USP9Y: variants seen among roughly 807,000 people sequenced by gnomAD.
USP9Y encodes ubiquitin carboxyl-terminal hydrolase 9Y.
In USP9Y, 41 loss-of-function variants were observed where a neutral mutation model predicts 53.1. The observed-to-expected ratio is 0.77, with a 90% CI of 0.60 to 1.00. The LOEUF (loss-of-function observed/expected upper bound fraction) is 1.00, where lower values mean the gene tolerates loss of function less well. USP9Y is among the 50% of genes least tolerant of loss of function. The pLI is 0.00. For missense variants in USP9Y, 567 were observed against 535.8 expected (o/e 1.06, Z -0.58); for synonymous variants, 220 against 173.7 (o/e 1.27, Z -2.09).
chrY:12,777,689 G>A (rs2053493915), intron 19 of USP9Y, among the ~76,000 whole-genome samples: 2 of 33,118 alleles, frequency 6.0e-5, no homozygotes, highest in African/African-American at 2.3e-4. Flanking sequence ...TAGTCTTAGT[G>A]AGTTGAGTTT....
intron 22 of USP9Y, among the ~76,000 whole-genome samples, chrY:12,785,126 G>A (rs1045640547): frequency 3.0e-5 from 1 of 32,908 alleles, no homozygotes; most frequent in Admixed American, 2.8e-4. Flanking sequence ...TTCTTACAAA[G>A]CTGAAACTCA....
intron 11 of USP9Y, among the ~76,000 whole-genome samples, chrY:12,738,593 G>T (rs2053454149): frequency 9.3e-5 from 3 of 32,151 alleles, no homozygotes; most frequent in Admixed American, 8.6e-4. Flanking sequence ...CCAGACTCGG[G>T]TGCATTGGTG....
intron 39 of USP9Y, among the ~76,000 whole-genome samples, chrY:12,844,808 G>A (rs1603203761): frequency 6.0e-5 from 2 of 33,474 alleles, no homozygotes; most frequent in Admixed American, 2.8e-4. Flanking sequence ...GCCACACGTC[G>A]TGTGAGATTC....
intron 36 of USP9Y, 106 bp downstream of exon 36, chrY:12,840,720 T>G: frequency 8.4e-6 from 2 of 238,165 alleles, no homozygotes; most frequent in Non-Finnish European, 1.3e-5. Flanking sequence ...CAGTTTTCTT[T>G]TATTTTTTCA....
chrY:12,745,550 C>G, intron 12 of USP9Y, among the ~76,000 whole-genome samples: 1 of 33,754 alleles, frequency 3.0e-5, no homozygotes, highest in African/African-American at 1.2e-4. Context: ...CTCTGCAAGT[C>G]AAGACTGACT....
chrY:12,856,860 G>A lies in USP9Y; in HGVS notation c.7434+15G>A. 1 of 328,459 alleles carries A rather than the reference G, an allele frequency of 3.0e-6. No homozygotes were observed. Among genetic ancestry groups the A allele is most frequent in the Non-Finnish European group, 4.4e-6 (1 of 224,953 alleles). The allele number at this position is 328,459 out of a possible 400,897, so 81.9% of individuals were successfully genotyped here. A position where few individuals can be genotyped will look rare whatever the true frequency, so the allele number is the denominator to read the frequency against. ...GTCCAGAAGAGGTAAAAAAAAAAAAGGCTACCAATGGACAGCAGATGGAAA... is the reference window on the plus strand; with the variant it reads ...GTCCAGAAGAGGTAAAAAAAAAAAAAGCTACCAATGGACAGCAGATGGAAA... On this transcript the variant is annotated intron_variant, in intron 44 of 45. Coordinates refer to ENST00000338981, the MANE Select transcript of USP9Y (RefSeq NM_004654.4).
intron 1 of USP9Y, 128 bp from the exon 2 acceptor site, chrY:12,708,506 A>G (rs2053421567): frequency 1.2e-4 from 4 of 34,168 alleles, no homozygotes; most frequent in Admixed American, 1.1e-3. Flanking sequence ...AAAGTTTTAA[A>G]TTTTATATTT....
chrY:12,833,637 G>T, intron 33 of USP9Y, 51 bp from the exon 34 acceptor site: 1 of 336,615 alleles, frequency 3.0e-6, no homozygotes, highest in Non-Finnish European at 4.4e-6. Context: ...ATAAAATATG[G>T]ATATTCTAGG....
chrY:12,709,392 A>G lies in USP9Y; in HGVS notation c.-56A>G. On this transcript the variant is annotated 5_prime_UTR_variant, in exon 3 of 46. Coordinates refer to ENST00000338981, the MANE Select transcript of USP9Y (RefSeq NM_004654.4). The stretch of plus-strand genomic sequence containing the variant: ...GACTATAATTTCTTCCCTTAGGATA[A>G]CTACATAAAGAGACAAAAAAAAGAA... The G allele has an allele frequency of 3.6e-6, 1 of 277,102 alleles. No homozygotes were observed. Among genetic ancestry groups the G allele is most frequent in the South Asian group, 3.5e-5 (1 of 28,730 alleles). 69.1% of individuals were successfully genotyped at this position (277,102 alleles called of 400,897 possible). A position where few individuals can be genotyped will look rare whatever the true frequency, so the allele number is the denominator to read the frequency against.
chrY:12,771,258 C>T, intron 16 of USP9Y, 103 bp downstream of exon 16: 1 of 195,244 alleles, frequency 5.1e-6, no homozygotes, highest in Non-Finnish European at 9.1e-6. Flanking sequence ...GGATCTCATT[C>T]TGTCATTCAG....
chrY:12,776,516 G>T, intron 18 of USP9Y, 133 bp from the exon 19 acceptor site: 1 of 165,449 alleles, frequency 6.0e-6, no homozygotes, highest in East Asian at 1.1e-4. Flanking sequence ...CAGGAAACTT[G>T]TGTTTTACTA....
At chrY:12,815,393 A>G in intron 31 of USP9Y, among the ~76,000 whole-genome samples, 1 of 33,085 alleles carries the variant, frequency 3.0e-5, no homozygotes, top group Non-Finnish European at 7.5e-5. Flanking sequence ...ACACCCAGCT[A>G]ATTTTTGTAT....
chrY:12,726,593 A>G lies in USP9Y; in HGVS notation c.457A>G (p.Thr153Ala). Residue 153 changes from threonine (T) to alanine (A), a missense_variant, in exon 7 of 46, where the codon ACT becomes GCT. Thr to Ala is a moderately conservative substitution (Grantham distance 58, BLOSUM62 0). Transcript: ENST00000338981. ...FEIHRCIINN[T>A]HRLVELCVAK... ...GTAACAGAGATGTATTATTAACAAT[A>G]CTCATCGCCTAGTGGAGCTTTGTGT... The G allele has an allele frequency of 2.5e-6, 1 of 396,620 alleles. No individual in the cohort carries two copies. Among genetic ancestry groups the G allele is most frequent in the East Asian group, 9.2e-5 (1 of 10,822 alleles).
chrY:12,738,059 C>G, intron 10 of USP9Y, 98 bp from the exon 11 acceptor site: 4 of 210,255 alleles, frequency 1.9e-5, no homozygotes, highest in Middle Eastern at 1.3e-3. Flanking sequence ...TTTTGAATTC[C>G]TACTTAATAT....
At chrY:12,810,092 A>G in intron 27 of USP9Y, 87 bp from the exon 28 acceptor site, 13 of 264,845 alleles carry the variant, frequency 4.9e-5, no homozygotes, top group Non-Finnish European at 7.2e-5. Flanking sequence ...GTATTTTACT[A>G]TTGATGTATA....
chrY:12,727,941 G>A, intron 7 of USP9Y, among the ~76,000 whole-genome samples: 4 of 33,696 alleles, frequency 1.2e-4, no homozygotes, highest in Admixed American at 8.0e-4. Flanking sequence ...ATTCTTGATT[G>A]TTCCTGATCT....
chrY:12,776,764 C>T lies in USP9Y; in HGVS notation c.2543C>T (p.Ala848Val). The change falls in exon 19 of 46, where the codon GCC becomes GTC. Residue 848 changes from alanine (A) to valine (V), a missense_variant. Physicochemically the swap from Ala to Val is moderately conservative, Grantham distance 64. Coordinates refer to ENST00000338981, the MANE Select transcript of USP9Y (RefSeq NM_004654.4). ...AGCATTAATTGTGCAAGACAAGAAG[C>T]CATTCGAATGGTTAGAGTATTAACT... ...KNSINCARQEAIRMVRVLTVI... is the reference protein window; with the variant it reads ...KNSINCARQEVIRMVRVLTVI... The T allele has an allele frequency of 2.5e-6, 1 of 394,895 alleles. No homozygotes were observed. Among genetic ancestry groups the T allele is most frequent in the Middle Eastern group, 5.9e-4 (1 of 1,686 alleles).
At position 12,760,515 on chromosome Y, in the gene USP9Y, C is replaced by T. The variant is rs1406536375; in HGVS notation, c.1798C>T (p.Arg600Cys). Residue 600 changes from arginine to cysteine, a missense_variant, in exon 15 of 46, where the codon CGC becomes TGC. Coordinates refer to ENST00000338981, the MANE Select transcript of USP9Y (RefSeq NM_004654.4). ...QTQRSPHIFY[R>C]HDLINQLQQN... ...TCAGCGAAGTCCCCACATATTTTAT[C>T]GCCATGATTTAATCAACCAGCTTCA... The T allele has an allele frequency of 7.5e-6, 3 of 398,027 alleles. No homozygotes were observed. The highest frequency in any genetic ancestry group is 1.1e-5 in the Non-Finnish European group (3 of 283,005).
At chrY:12,846,292 GT>G (rs111569776) in intron 39 of USP9Y, 40 bp from the exon 40 acceptor site, 11 of 350,567 alleles carry the variant, frequency 3.1e-5, no homozygotes, top group Non-Finnish European at 4.1e-5. Context: ...TACCCTCTTA[GT>G]TTTTTTTTCT....
Sources: allele counts gnomAD v4.1 joint callset (sites outside exome capture counted in the v4.1 genomes callset), GRCh38; gene constraint gnomAD v4.1.1; transcripts MANE v1.5; gene names NCBI Gene and HGNC (gene_info 2026-07-23, HGNC 2026-07-21).